The following ZNF578 variants were observed in gnomAD, a reference collection of about 807,000 sequenced individuals.
ZNF578 encodes Putative chemokine-related protein B42.
In ZNF578, 8 loss-of-function variants were observed where a neutral mutation model predicts 8.3. That is an observed-to-expected ratio of 0.96 (90% CI 0.56 to 1.74). The LOEUF (loss-of-function observed/expected upper bound fraction) is 1.74. Ranked by LOEUF, ZNF578 falls within the 40% of genes most tolerant of loss-of-function variation. The probability of loss-of-function intolerance (pLI) is 0.00; values close to 1 mark genes in which losing one functional copy is unlikely to be tolerated. For synonymous variants in ZNF578, 206 were observed against 232.2 expected, an observed-to-expected ratio of 0.89 and a Z score of 1.03; for missense variants, 726 against 707.5, an observed-to-expected ratio of 1.03 and a Z score of -0.30.
Position 52,514,862 on chromosome 19 carries a change from C to T in ZNF578, c.*2708C>T, listed in dbSNP as rs141870946. On this transcript the variant is annotated 3_prime_UTR_variant, in exon 6 of 6. Coordinates refer to ENST00000421239, the MANE Select transcript of ZNF578 (RefSeq NM_001099694.2). Reference sequence around the variant, plus strand: ...ATTTTTAGTAGAGACAGGGTTTCACCATGTTTGTCAGGCTGGTCTCAAACT... The same window carrying T: ...ATTTTTAGTAGAGACAGGGTTTCACTATGTTTGTCAGGCTGGTCTCAAACT... 2.0e-4 allele frequency among the ~76,000 whole-genome samples: 30 copies of T among 151,910 alleles called. No homozygotes were observed. The East Asian group carries it at 4.5e-3, about 23-fold the overall frequency.
chr19:52,495,544 G>A (rs1335339258), intron 3 of ZNF578, among the ~76,000 whole-genome samples: 1 of 151,544 alleles, frequency 6.6e-6, no homozygotes, highest in Non-Finnish European at 1.5e-5. Flanking sequence ...GATGGAGAGA[G>A]AAAGTGAAAA....
chr19:52,489,666 T>C (rs2059358411), intron 2 of ZNF578, among the ~76,000 whole-genome samples: 1 of 151,776 alleles, frequency 6.6e-6, no homozygotes, highest in African/African-American at 2.4e-5. Flanking sequence ...CATGGAGAAA[T>C]TCTTCTTTTT....
intron 5 of ZNF578, among the ~76,000 whole-genome samples, chr19:52,505,207 A>G (rs1568466162): frequency 6.6e-6 from 1 of 151,772 alleles, no homozygotes; most frequent in African/African-American, 2.4e-5. Flanking sequence ...TTTGAGGAGC[A>G]TCACAGAAGC....
chr19:52,500,877 CTT>C (rs10594903), intron 3 of ZNF578, among the ~76,000 whole-genome samples: 37,405 of 117,314 alleles, frequency 0.32, 5,772 homozygotes, highest in East Asian at 0.48. Context: ...TTTTGTGTGA[CTT>C]TTTTTTTTTT....
At chr19:52,486,796 CAG>C (rs986319914) in intron 2 of ZNF578, among the ~76,000 whole-genome samples, 33 of 111,350 alleles carry the variant, frequency 3.0e-4, no homozygotes, top group African/African-American at 1.2e-3. Flanking sequence ...CAGAAATAGA[CAG>C]AGATTGAGGA....
intron 2 of ZNF578, chr19:52,458,936 G>C (rs2059247843): frequency 6.6e-6 from 1 of 152,034 alleles, no homozygotes; most frequent in Non-Finnish European, 1.5e-5. Flanking sequence ...TACATATTTG[G>C]AAAACCCCTC....
intron 5 of ZNF578, among the ~76,000 whole-genome samples, chr19:52,509,435 T>C (rs935691354): frequency 3.9e-5 from 6 of 152,188 alleles, no homozygotes; most frequent in Admixed American, 6.6e-5. Flanking sequence ...ATTTTTATAA[T>C]TTTGCATATG....
intron 2 of ZNF578, chr19:52,457,242 T>G (rs2059242385): frequency 6.6e-6 from 1 of 152,102 alleles, no homozygotes; most frequent in Non-Finnish European, 1.5e-5. Flanking sequence ...GGGAAGAATG[T>G]TGATGTCATG....
chr19:52,467,435 AAAAAT>A (rs1381556675), intron 2 of ZNF578, among the ~76,000 whole-genome samples: 1 of 152,080 alleles, frequency 6.6e-6, no homozygotes, highest in African/African-American at 2.4e-5. Context: ...CTATCTCAAA[AAAAAT>A]AAAATAAAAT....
intron 2 of ZNF578, among the ~76,000 whole-genome samples, chr19:52,463,204 C>T (rs1449452056): frequency 6.6e-6 from 1 of 152,150 alleles, no homozygotes; most frequent in Non-Finnish European, 1.5e-5. Context: ...TGTCCATTGT[C>T]TGTTTTTAAT....
chr19:52,503,944 C>T lies in ZNF578; in HGVS notation c.64-711C>T, dbSNP rs1227589492. On this transcript the variant is annotated intron_variant, in intron 4 of 5. Coordinates refer to ENST00000421239, the MANE Select transcript of ZNF578 (RefSeq NM_001099694.2). ...TCTTGAGTAGCTGGGAGTACAGGTC[C>T]ACACCACGACACCCAGCTAATTTTT... Among the ~76,000 whole-genome samples, 5 of 151,588 alleles carry T rather than the reference C, an allele frequency of 3.3e-5. No individual in the cohort carries two copies. In the East Asian group the frequency reaches 9.7e-4, roughly 29 times the overall value.
chr19:52,512,679 C>T lies in ZNF578; in HGVS notation c.*525C>T, dbSNP rs1030628691. On this transcript the variant is annotated 3_prime_UTR_variant, in exon 6 of 6. Coordinates refer to ENST00000421239, the MANE Select transcript of ZNF578 (RefSeq NM_001099694.2). ...GAATCCCTACTGGAGAGAAATCTTA[C>T]AAATGTCATCAGTGTGGCAAGGTCT... 6.6e-6 allele frequency among the ~76,000 whole-genome samples: 1 copy of T among 152,194 alleles called. No homozygotes were observed. The highest frequency in any genetic ancestry group is 2.4e-5 in the African/African-American group (1 of 41,450).
chr19:52,458,336 G>T (rs1260794200), intron 2 of ZNF578: 1 of 151,220 alleles, frequency 6.6e-6, no homozygotes, highest in African/African-American at 2.4e-5. Flanking sequence ...CTTCTTCTAG[G>T]ATGGGGCATT....
intron 2 of ZNF578, among the ~76,000 whole-genome samples, chr19:52,490,476 G>A (rs1297522754): frequency 6.6e-6 from 1 of 152,042 alleles, no homozygotes; most frequent in African/African-American, 2.4e-5. Flanking sequence ...TTTTATCATG[G>A]GTTAGAATAG....
intron 5 of ZNF578, among the ~76,000 whole-genome samples, chr19:52,508,165 T>G (rs2059431875): frequency 6.6e-6 from 1 of 151,496 alleles, no homozygotes; most frequent in South Asian, 2.1e-4. Context: ...GCCAACATGG[T>G]GAAACCCCAT....
rs1568469140 is a variant in ZNF578 at position 52,512,986 on chromosome 19, C to T, written c.*832C>T. Among the ~76,000 whole-genome samples, 1 of 152,044 alleles carries T rather than the reference C, an allele frequency of 6.6e-6. No individual in the cohort carries two copies. Among genetic ancestry groups the T allele is most frequent in the South Asian group, 2.1e-4 (1 of 4,810 alleles). ...CTTGAGGTCAAGAGTTTGAAACAAGCATGGCCAAGAGATGTGAGCCAGTTT... is the reference window on the plus strand; with the variant it reads ...CTTGAGGTCAAGAGTTTGAAACAAGTATGGCCAAGAGATGTGAGCCAGTTT... On this transcript the variant is annotated 3_prime_UTR_variant, in exon 6 of 6. Coordinates refer to ENST00000421239, the MANE Select transcript of ZNF578 (RefSeq NM_001099694.2).
intron 2 of ZNF578, among the ~76,000 whole-genome samples, chr19:52,475,603 C>G (rs575489045): frequency 6.6e-6 from 1 of 152,146 alleles, no homozygotes; most frequent in Non-Finnish European, 1.5e-5. Flanking sequence ...ATGATCCACC[C>G]GCCTCGGCAT....
intron 2 of ZNF578, among the ~76,000 whole-genome samples, chr19:52,480,347 G>A (rs2059321809): frequency 6.6e-6 from 1 of 152,094 alleles, no homozygotes; most frequent in Non-Finnish European, 1.5e-5. Flanking sequence ...CATACTGACC[G>A]AAATAAAATC....
At chr19:52,481,747 C>G (rs368842554) in intron 2 of ZNF578, among the ~76,000 whole-genome samples, 3 of 152,198 alleles carry the variant, frequency 2.0e-5, no homozygotes, top group East Asian at 3.9e-4. Context: ...TAAATTAATT[C>G]TTTAAGACAG....
Sources: gnomAD v4.1 joint callset for allele counts (sites outside exome capture counted in the v4.1 genomes callset) on GRCh38, gnomAD v4.1.1 for gene constraint, MANE v1.5 for transcripts, NCBI Gene and HGNC (gene_info 2026-07-23, HGNC 2026-07-21) for gene names.